HNRNPA1L2: variants seen among roughly 807,000 people sequenced by gnomAD.
HNRNPA1L2 encodes the protein heterogeneous nuclear ribonucleoprotein A1-like 2.
Under a neutral mutation model 18.2 loss-of-function variants are expected in HNRNPA1L2, and 10 were observed. The ratio of observed to expected loss-of-function variants is 0.55; its 90% CI spans 0.34 to 0.93. The LOEUF is 0.93. HNRNPA1L2 is among the 40% of genes least tolerant of loss of function. The pLI, the probability that HNRNPA1L2 is intolerant of heterozygous loss-of-function variation, is 0.02. For missense variants in HNRNPA1L2, 308 were observed against 394.4 expected (o/e 0.78, Z 1.85); for synonymous variants, 124 against 138.6 (o/e 0.89, Z 0.74).
chr13:52,620,714 G>T, the HNRNPA1L2 span, among the ~76,000 whole-genome samples: 1 of 152,052 alleles, frequency 6.6e-6, no homozygotes, highest in Admixed American at 6.6e-5. Flanking sequence ...CAGATCCCAG[G>T]AGTTCCTGTG....
upstream of HNRNPA1L2, among the ~76,000 whole-genome samples, chr13:52,639,266 A>G (rs759088442): frequency 8.5e-5 from 13 of 152,126 alleles, no homozygotes; most frequent in Admixed American, 7.2e-4. Context: ...GTGTTAGATG[A>G]TTTTGCCCAA....
chr13:52,626,695 G>A, the HNRNPA1L2 span, among the ~76,000 whole-genome samples: 2 of 151,556 alleles, frequency 1.3e-5, no homozygotes, highest in Non-Finnish European at 2.9e-5. Context: ...AATGATTGAT[G>A]GCTTTTTTTT....
the HNRNPA1L2 span, among the ~76,000 whole-genome samples, chr13:52,624,858 G>T: frequency 6.6e-6 from 1 of 152,020 alleles, no homozygotes; most frequent in Non-Finnish European, 1.5e-5. Context: ...GTGAAACCCT[G>T]TGTCTATCAC....
the HNRNPA1L2 span, among the ~76,000 whole-genome samples, chr13:52,618,953 T>A: frequency 6.6e-6 from 1 of 152,216 alleles, no homozygotes; most frequent in South Asian, 2.1e-4. Context: ...AAAGATTATA[T>A]GTGAGATTCA....
chr13:52,619,044 G>C, the HNRNPA1L2 span, among the ~76,000 whole-genome samples: 2 of 152,242 alleles, frequency 1.3e-5, no homozygotes, highest in Non-Finnish European at 2.9e-5. Flanking sequence ...TTTTGCTCTT[G>C]TTGCCCAGGC....
the HNRNPA1L2 span, among the ~76,000 whole-genome samples, chr13:52,625,431 A>G: frequency 6.6e-6 from 1 of 152,140 alleles, no homozygotes; most frequent in African/African-American, 2.4e-5. Context: ...TACTTTAACA[A>G]GTTCTCATTA....
the HNRNPA1L2 span, among the ~76,000 whole-genome samples, chr13:52,621,585 G>A: frequency 3.9e-5 from 6 of 152,242 alleles, no homozygotes; most frequent in South Asian, 6.2e-4. Flanking sequence ...AGATTTGGGA[G>A]CACCAGCACC....
chr13:52,635,575 A>AACACACACAC, the HNRNPA1L2 span, among the ~76,000 whole-genome samples: 24 of 143,376 alleles, frequency 1.7e-4, 1 homozygote, highest in East Asian at 6.3e-4. Flanking sequence ...GTCCTTTTGC[A>AACACACACAC]ACACACACAC....
the HNRNPA1L2 span, among the ~76,000 whole-genome samples, chr13:52,624,640 A>G: frequency 1.3e-5 from 2 of 152,268 alleles, no homozygotes; most frequent in East Asian, 3.8e-4. Flanking sequence ...TTTAAGAAAC[A>G]CAGAAAAAAA....
At chr13:52,635,372 AAAT>A in the HNRNPA1L2 span, among the ~76,000 whole-genome samples, 1 of 152,206 alleles carries the variant, frequency 6.6e-6, no homozygotes, top group Non-Finnish European at 1.5e-5. Context: ...ATGTTTGAAA[AAAT>A]AATTAAGGAT....
chr13:52,641,036 A>C (rs571769806), upstream of HNRNPA1L2: 13 of 152,314 alleles, frequency 8.5e-5, no homozygotes, highest in Non-Finnish European at 1.8e-4. Context: ...AGGAATATGC[A>C]AACTTCTGAA....
At chr13:52,626,452 A>G in the HNRNPA1L2 span, among the ~76,000 whole-genome samples, 3 of 151,582 alleles carry the variant, frequency 2.0e-5, no homozygotes, top group African/African-American at 4.8e-5. Context: ...AAAGGAAACA[A>G]TGTTGTATAC....
chr13:52,643,000 G>T lies in HNRNPA1L2; in HGVS notation c.508G>T (p.Val170Leu), dbSNP rs1180905611. ...DKIVIQKYHTVKGHNCEVRKA... is the reference protein window; with the variant it reads ...DKIVIQKYHTLKGHNCEVRKA... ...GATTGTCATTCAGAAATACCATACT[G>T]TGAAGGGCCACAACTGTGAAGTTAG... is the stretch of plus-strand genomic sequence containing the variant. Residue 170 changes from valine (V) to leucine (L), a missense_variant, in exon 1 of 1, where the codon GTG becomes TTG. Physicochemically the swap from Val to Leu is conservative, Grantham distance 32. Coordinates refer to ENST00000357495, the MANE Select transcript of HNRNPA1L2 (RefSeq NM_001389320.1). 1 of 1,597,536 alleles carries T rather than the reference G, an allele frequency of 6.3e-7. No homozygotes were observed. The highest frequency in any genetic ancestry group is 1.1e-5 in the South Asian group (1 of 90,988).
chr13:52,629,699 C>A, the HNRNPA1L2 span, among the ~76,000 whole-genome samples: 9,369 of 152,224 alleles, frequency 0.062, 333 homozygotes, highest in African/African-American at 0.095. Flanking sequence ...TTTTAAATAT[C>A]AATGCCTAAT....
At position 52,643,107 on chromosome 13, in the gene HNRNPA1L2, T is replaced by C; in HGVS notation, c.615T>C (p.Gly205=). 1 of 1,597,742 alleles carries C rather than the reference T, an allele frequency of 6.3e-7. No individual in the cohort carries two copies. Residue 205 remains glycine (G), a synonymous_variant, in exon 1 of 1, where the codon GGT becomes GGC. Transcript: ENST00000357495. ...GRRGSGNFGG[G]RGDGFGGNDN... is the part of the protein sequence containing the mutation. ...GGGGTTCTGGAAACTTTGGTGGTGG[T>C]CGTGGAGATGGTTTCGGTGGGAATG...
At chr13:52,627,140 A>G in the HNRNPA1L2 span, among the ~76,000 whole-genome samples, 1 of 152,184 alleles carries the variant, frequency 6.6e-6, no homozygotes, top group African/African-American at 2.4e-5. Context: ...CTTGCAATAT[A>G]TATTGTTTTT....
the HNRNPA1L2 span, among the ~76,000 whole-genome samples, chr13:52,634,686 T>C: frequency 2.6e-5 from 4 of 152,224 alleles, no homozygotes; most frequent in Admixed American, 2.6e-4. Context: ...CCACTTCTTG[T>C]TCCCCACTAA....
At chr13:52,625,925 T>A in the HNRNPA1L2 span, among the ~76,000 whole-genome samples, 1 of 151,974 alleles carries the variant, frequency 6.6e-6, no homozygotes. Context: ...TGTAGGCATG[T>A]GCCACCACTC....
the HNRNPA1L2 span, among the ~76,000 whole-genome samples, chr13:52,624,060 G>T: frequency 1.3e-5 from 2 of 152,208 alleles, no homozygotes; most frequent in African/African-American, 2.4e-5. Flanking sequence ...TGGTGGCTGG[G>T]TTCCAGGGTG....
Sources: gnomAD v4.1 joint callset for allele counts (sites outside exome capture counted in the v4.1 genomes callset) on GRCh38, gnomAD v4.1.1 for gene constraint, MANE v1.5 for transcripts, NCBI Gene and HGNC (gene_info 2026-07-23, HGNC 2026-07-21) for gene names.